ESR1: variants seen among roughly 807,000 people sequenced by gnomAD.
ESR1 encodes the protein estrogen receptor.
ESR1 carries 12 observed loss-of-function variants against 52.7 expected under a neutral mutation model. The observed-to-expected ratio is 0.23, with a 90% CI of 0.15 to 0.37. The LOEUF (loss-of-function observed/expected upper bound fraction) is 0.37, where lower values mean the gene tolerates loss of function less well. Ranked by LOEUF, ESR1 falls within the 10% of genes least tolerant of loss-of-function variation. The pLI is 1.00. For synonymous variants in ESR1, 305 were observed against 316.8 expected (o/e 0.96, Z 0.39); for missense variants, 584 against 779.7 (o/e 0.75, Z 2.99).
chr6:152,001,339 C>T (rs1166013894), intron 4 of ESR1, among the ~76,000 whole-genome samples: 1 of 151,944 alleles, frequency 6.6e-6, no homozygotes, highest in Non-Finnish European at 1.5e-5. Context: ...GAGAAATGGG[C>T]ACATGCAAAG....
intron 6 of ESR1, among the ~76,000 whole-genome samples, chr6:152,089,013 C>A (rs1456100871): frequency 6.6e-6 from 1 of 151,956 alleles, no homozygotes; most frequent in Non-Finnish European, 1.5e-5. Context: ...ACATTCAAGG[C>A]AAATATTCAG....
intron 4 of ESR1, among the ~76,000 whole-genome samples, chr6:151,976,220 A>G (rs2039421546): frequency 6.6e-6 from 1 of 152,152 alleles, no homozygotes; most frequent in African/African-American, 2.4e-5. Context: ...ACAGGGAAGA[A>G]GAGGGTAGCC....
At chr6:152,048,006 G>T (rs2046366910) in intron 5 of ESR1, among the ~76,000 whole-genome samples, 1 of 116,932 alleles carries the variant, frequency 8.6e-6, no homozygotes, top group African/African-American at 3.4e-5. Context: ...CCAAACGCAT[G>T]TCTCTCTTCT....
chr6:152,094,267 C>A lies in ESR1; in HGVS notation c.1370-118C>A. The A allele has an allele frequency of 1.1e-6, 1 of 882,684 alleles. No individual in the cohort carries two copies. The highest frequency in any genetic ancestry group is 1.9e-6 in the Non-Finnish European group (1 of 517,930). The allele number at this position is 882,684 out of a possible 1,614,324, so 54.7% of individuals were successfully genotyped here. On this transcript the variant is annotated intron_variant, in intron 6 of 7. Coordinates refer to ENST00000206249, the MANE Select transcript of ESR1 (RefSeq NM_000125.4). This position sits in a 1 kb window ranked among gnomAD's most constrained non-coding sequence, Gnocchi z 4.6. ...AAATGGGTCCAGAGCATCCCCATTG[C>A]TAGACTACTGTGCTGAGGAAGGGCA...
chr6:151,691,560 T>C (rs1311214386), intron 1 of ESR1, among the ~76,000 whole-genome samples: 2 of 152,244 alleles, frequency 1.3e-5, no homozygotes, highest in East Asian at 3.8e-4. Context: ...CTTGTGATCA[T>C]GGCAATGGTT....
rs2046826102 is a variant in ESR1, at chr6:152,053,216, T to G, written c.1236-7775T>G. On this transcript the variant is annotated intron_variant, in intron 5 of 7. Transcript: ENST00000206249. The surrounding 1 kb of genome is among the most constrained non-coding windows in gnomAD (Gnocchi z 4.1). ...CTCCTTCCCTCCCTCCCTCAGTCCC[T>G]CCCTTAGTCTATCTCACTCTACCAT... is the stretch of plus-strand genomic sequence containing the variant. Among the ~76,000 whole-genome samples, 3 of 152,018 alleles carry G rather than the reference T, an allele frequency of 2.0e-5. No individual in the cohort carries two copies. The highest frequency in any genetic ancestry group is 2.0e-4 in the Admixed American group (3 of 15,264).
intron 4 of ESR1, 123 bp from the exon 5 acceptor site, chr6:152,011,533 G>A (rs989236666): frequency 6.8e-5 from 71 of 1,049,168 alleles, no homozygotes; most frequent in African/African-American, 4.1e-4. Context: ...AAGTATGTTC[G>A]TATTGCATTT....
intron 5 of ESR1, among the ~76,000 whole-genome samples, chr6:152,056,394 G>T (rs950946120): frequency 2.0e-5 from 3 of 152,032 alleles, no homozygotes; most frequent in Non-Finnish European, 4.4e-5. Context: ...TGATCCCCTG[G>T]GTTTTCTCAG....
At chr6:152,038,589 T>C (rs1373921966) in intron 5 of ESR1, among the ~76,000 whole-genome samples, 1 of 152,184 alleles carries the variant, frequency 6.6e-6, no homozygotes, top group Non-Finnish European at 1.5e-5. Context: ...CAAATGTTAT[T>C]ACATAAAGTT....
At chr6:151,994,496 A>G (rs984627129) in intron 4 of ESR1, among the ~76,000 whole-genome samples, 1 of 152,214 alleles carries the variant, frequency 6.6e-6, no homozygotes, top group South Asian at 2.1e-4. Flanking sequence ...AACTTGCTGA[A>G]TTAAATTGTA....
chr6:151,696,066 C>T lies in ESR1; in HGVS notation c.-202+5402C>T, dbSNP rs543958161. On this transcript the variant is annotated intron_variant, in intron 1 of 2. Coordinates refer to the ESR1 transcript ENST00000404742. ...AATATATGCATAGTTTAATTTAACT[C>T]ATATTGTTAAATTCTTTTTCTAATT... Among the ~76,000 whole-genome samples, 217 of 152,226 alleles carry T rather than the reference C, an allele frequency of 1.4e-3. 2 individuals carry two copies. Among genetic ancestry groups the T allele is most frequent in the Non-Finnish European group, 1.3e-3 (90 of 68,022 alleles).
Position 152,099,088 on chromosome 6 carries a change from T to C in ESR1, c.*122T>C. The C allele has an allele frequency of 1.3e-6, 1 of 753,280 alleles. No individual in the cohort carries two copies. The allele number at this position is 753,280 out of a possible 1,614,324, so 46.7% of individuals were successfully genotyped here. ...GGCATGCATCCAACACCAATGGCTT[T>C]CTAGATGAGTGGCCATTCATTTGCT... On this transcript the variant is annotated 3_prime_UTR_variant, in exon 8 of 8. Transcript: ENST00000206249.
intron 5 of ESR1, among the ~76,000 whole-genome samples, chr6:152,052,946 C>A (rs1018727430): frequency 6.6e-6 from 1 of 152,102 alleles, no homozygotes; most frequent in Non-Finnish European, 1.5e-5. Context: ...TGTGCCTTAG[C>A]CCATCCAGGG....
At chr6:152,046,538 GA>G (rs1409374614) in intron 5 of ESR1, among the ~76,000 whole-genome samples, 8 of 152,226 alleles carry the variant, frequency 5.3e-5, no homozygotes, top group African/African-American at 1.7e-4. Context: ...GAGGTTAGAA[GA>G]GATTGAGAAG....
intron 4 of ESR1, among the ~76,000 whole-genome samples, chr6:151,972,413 A>G (rs1489634426): frequency 6.6e-6 from 1 of 152,202 alleles, no homozygotes; most frequent in Admixed American, 6.5e-5. Flanking sequence ...ACAAAATACT[A>G]GCTAAGTGAA....
intron 5 of ESR1, among the ~76,000 whole-genome samples, chr6:152,033,367 T>C (rs1213288754): frequency 6.6e-6 from 1 of 152,104 alleles, no homozygotes; most frequent in Non-Finnish European, 1.5e-5. Flanking sequence ...ACCTACAGAA[T>C]GGGAGAAAAT....
chr6:151,696,866 G>A (rs1779389138), intron 1 of ESR1, among the ~76,000 whole-genome samples: 1 of 152,166 alleles, frequency 6.6e-6, no homozygotes. Context: ...GTTAGGGATA[G>A]CTTTGGGTAG....
At chr6:151,660,217 G>A (rs915546467) in intron 1 of ESR1, among the ~76,000 whole-genome samples, 1 of 152,196 alleles carries the variant, frequency 6.6e-6, no homozygotes, top group Non-Finnish European at 1.5e-5. Context: ...AGTGAATACA[G>A]CAGAGTTTGG....
chr6:151,843,199 A>G (rs1784567983), intron 2 of ESR1, among the ~76,000 whole-genome samples: 1 of 152,050 alleles, frequency 6.6e-6, no homozygotes, highest in Admixed American at 6.5e-5. Flanking sequence ...TTATCTCTCT[A>G]CTCAGGCCTT....
Sources: gnomAD v4.1 joint callset for allele counts (sites outside exome capture counted in the v4.1 genomes callset) on GRCh38, gnomAD v4.1.1 for gene constraint, Gnocchi (gnomAD v3.1) non-coding constraint, MANE v1.5 for transcripts, NCBI Gene and HGNC (gene_info 2026-07-23, HGNC 2026-07-21) for gene names.